Variants in STAU2 observed in about 807,000 individuals in gnomAD.
STAU2 encodes the protein double-stranded RNA-binding protein Staufen homolog 2.
Under a neutral mutation model 65.9 loss-of-function variants are expected in STAU2, and 20 were observed. The observed-to-expected ratio is 0.30, with a 90% CI of 0.21 to 0.44. The LOEUF (loss-of-function observed/expected upper bound fraction) is 0.44. STAU2 is among the 20% of genes least tolerant of loss of function. The pLI, the probability that STAU2 is intolerant of heterozygous loss-of-function variation, is 1.00. For missense variants in STAU2, 558 were observed against 683.9 expected (o/e 0.82, Z 2.05); for synonymous variants, 232 against 233.9 (o/e 0.99, Z 0.07).
intron 5 of STAU2, among the ~76,000 whole-genome samples, chr8:73,681,168 G>A: frequency 1.3e-5 from 2 of 152,032 alleles, no homozygotes; most frequent in African/African-American, 4.8e-5. Context: ...AGTCAATCAG[G>A]TTATCTAAAG....
intron 13 of STAU2, among the ~76,000 whole-genome samples, chr8:73,503,771 T>C (rs937328691): frequency 6.6e-6 from 1 of 152,056 alleles, no homozygotes; most frequent in Non-Finnish European, 1.5e-5. Flanking sequence ...AAGTGAAAAT[T>C]TGTCTCTTGG....
intron 9 of STAU2, among the ~76,000 whole-genome samples, chr8:73,610,287 AC>A (rs1336829693): frequency 2.7e-5 from 4 of 147,194 alleles, no homozygotes; most frequent in Non-Finnish European, 4.5e-5. Context: ...AAAAAAAAAA[AC>A]AACTCTGGGT....
chr8:73,542,026 A>G (rs996516894), intron 13 of STAU2, among the ~76,000 whole-genome samples: 1 of 152,092 alleles, frequency 6.6e-6, no homozygotes, highest in African/African-American at 2.4e-5. Context: ...TGGAAAAAAT[A>G]GTGGTCCAAA....
chr8:73,634,261 A>AC (rs1814327772), intron 6 of STAU2, among the ~76,000 whole-genome samples: 1 of 151,996 alleles, frequency 6.6e-6, no homozygotes, highest in African/African-American at 2.4e-5. Context: ...TTATTTATTT[A>AC]TTTATTTATT....
At chr8:73,629,665 C>T (rs111876658) in intron 6 of STAU2, among the ~76,000 whole-genome samples, 3,919 of 152,240 alleles carry the variant, frequency 0.026, 60 homozygotes, top group Non-Finnish European at 0.042. Context: ...GAAATTTCTT[C>T]GGCTATGAGT....
chr8:73,725,391 T>C (rs761003298), intron 3 of STAU2, among the ~76,000 whole-genome samples: 7 of 152,274 alleles, frequency 4.6e-5, no homozygotes, highest in Non-Finnish European at 8.8e-5. Flanking sequence ...CTAAAAATTC[T>C]ATACTTCCCT....
chr8:73,479,546 C>T (rs1014580820), intron 13 of STAU2, among the ~76,000 whole-genome samples: 3 of 150,238 alleles, frequency 2.0e-5, no homozygotes, highest in African/African-American at 7.3e-5. Flanking sequence ...ACATGTTAGG[C>T]TGTATGAAAA....
intron 13 of STAU2, among the ~76,000 whole-genome samples, chr8:73,521,355 C>T (rs946170765): frequency 6.6e-6 from 1 of 152,166 alleles, no homozygotes; most frequent in African/African-American, 2.4e-5. Context: ...TGGACATAAA[C>T]CCTTAAAGGT....
At chr8:73,673,889 C>T (rs1201709663) in intron 5 of STAU2, among the ~76,000 whole-genome samples, 1 of 151,958 alleles carries the variant, frequency 6.6e-6, no homozygotes, top group Non-Finnish European at 1.5e-5. Context: ...ATATAAATGT[C>T]CATAGCATAA....
chr8:73,731,791 T>G (rs1257650513), intron 3 of STAU2, among the ~76,000 whole-genome samples: 1 of 151,814 alleles, frequency 6.6e-6, no homozygotes, highest in East Asian at 1.9e-4. Flanking sequence ...TACAAAAAAT[T>G]AGCCAGGTGC....
At chr8:73,499,568 G>A (rs926601903) in intron 13 of STAU2, among the ~76,000 whole-genome samples, 1 of 151,872 alleles carries the variant, frequency 6.6e-6, no homozygotes, top group African/African-American at 2.4e-5. Context: ...AGTAGGACAA[G>A]GGTGACTGTG....
intron 13 of STAU2, among the ~76,000 whole-genome samples, chr8:73,428,267 AT>A (rs1479052230): frequency 6.6e-6 from 1 of 152,304 alleles, no homozygotes; most frequent in East Asian, 1.9e-4. Flanking sequence ...ATGTTCTCCA[AT>A]TCTATCCATG....
At chr8:73,447,031 T>C (rs998572166) in intron 13 of STAU2, among the ~76,000 whole-genome samples, 1 of 152,166 alleles carries the variant, frequency 6.6e-6, no homozygotes. Flanking sequence ...AACCTCCGCG[T>C]CCCGGGTTCA....
chr8:73,688,646 T>A lies in STAU2; in HGVS notation c.274+8A>T, dbSNP rs755951493. On this transcript the variant is annotated splice_region_variant and intron_variant, in intron 5 of 14. Transcript: ENST00000524300. ...CAGACAACATAACAGAAGGAGTCAC[T>A]GCCATACCTGGGTTATTGTTAACAT... 1 of 1,614,000 alleles carries A rather than the reference T, an allele frequency of 6.2e-7. No homozygotes were observed. Among genetic ancestry groups the A allele is most frequent in the East Asian group, 2.2e-5 (1 of 44,866 alleles).
At chr8:73,561,993 T>G (rs960121355) in intron 12 of STAU2, among the ~76,000 whole-genome samples, 1 of 152,244 alleles carries the variant, frequency 6.6e-6, no homozygotes, top group East Asian at 1.9e-4. Flanking sequence ...CAAGTATAAC[T>G]ACCTTTCAGT....
chr8:73,570,940 G>GAC (rs1809032801), intron 12 of STAU2, among the ~76,000 whole-genome samples: 1 of 152,088 alleles, frequency 6.6e-6, no homozygotes, highest in African/African-American at 2.4e-5. Flanking sequence ...CCAATTAAAA[G>GAC]ACAGACTGGC....
At chr8:73,658,134 TG>T (rs1463268816) in intron 6 of STAU2, among the ~76,000 whole-genome samples, 1 of 151,510 alleles carries the variant, frequency 6.6e-6, no homozygotes, top group Non-Finnish European at 1.5e-5. Context: ...GAGGCTGAGG[TG>T]GGCGAATCAC....
chr8:73,615,302 G>GA (rs1293074774), intron 8 of STAU2, among the ~76,000 whole-genome samples: 1 of 149,514 alleles, frequency 6.7e-6, no homozygotes. Context: ...CCACACAATT[G>GA]AAAAAAAAAT....
intron 12 of STAU2, among the ~76,000 whole-genome samples, chr8:73,573,602 A>G (rs1809281519): frequency 1.3e-5 from 2 of 152,156 alleles, no homozygotes; most frequent in South Asian, 2.1e-4. Flanking sequence ...AATACCACAC[A>G]TTTATAACCA....
Sources: allele counts gnomAD v4.1 joint callset (sites outside exome capture counted in the v4.1 genomes callset), GRCh38; gene constraint gnomAD v4.1.1; transcripts MANE v1.5; gene names NCBI Gene and HGNC (gene_info 2026-07-23, HGNC 2026-07-21).